PBRM1: variants seen among roughly 807,000 people sequenced by gnomAD.
The protein encoded by PBRM1 is protein polybromo-1.
PBRM1 carries 27 observed loss-of-function variants against 194.5 expected under a neutral mutation model. The ratio of observed to expected loss-of-function variants is 0.14; its 90% CI spans 0.10 to 0.19. PBRM1 has a LOEUF of 0.19. PBRM1 is among the 10% of genes least tolerant of loss of function. The pLI, the probability that PBRM1 is intolerant of heterozygous loss-of-function variation, is 1.00. For missense variants in PBRM1, 1,466 were observed against 2,077.2 expected, an observed-to-expected ratio of 0.71 and a Z score of 5.72; for synonymous variants, 655 against 693.2, an observed-to-expected ratio of 0.94 and a Z score of 0.87.
rs755241328 is a variant in PBRM1, at chr3:52,637,773, CA to C, written c.1088-2959del. On this transcript the variant is annotated intron_variant, in intron 10 of 29. Transcript: ENST00000296302. ...CAAAACCATGTCTCTACTAAAAATA[CA>C]AAAAAAAAAAAAAAAAAAAAAAATT... Among the ~76,000 whole-genome samples the C allele has an allele frequency of 9.8e-3, 414 of 42,228 alleles. 5 individuals are homozygous for C. Among genetic ancestry groups the C allele is most frequent in the East Asian group, 0.074 (93 of 1,264 alleles). The allele number at this position is 42,228 out of a possible 152,430, so 27.7% of individuals were successfully genotyped here.
chr3:52,637,861 A>T (rs1348415151), intron 10 of PBRM1, among the ~76,000 whole-genome samples: 1 of 148,390 alleles, frequency 6.7e-6, no homozygotes, highest in Non-Finnish European at 1.5e-5. Flanking sequence ...CAGGAGAATC[A>T]CTTGAACCTG....
At chr3:52,674,643 AATATATATAT>A (rs1189318541) in intron 2 of PBRM1, among the ~76,000 whole-genome samples, 2 of 72,420 alleles carry the variant, frequency 2.8e-5, no homozygotes, top group South Asian at 8.2e-4. Context: ...AAAAAAAAAA[AATATATATAT>A]ATATATATAT....
chr3:52,589,846 G>A (rs764676864), intron 17 of PBRM1, among the ~76,000 whole-genome samples: 6 of 151,236 alleles, frequency 4.0e-5, no homozygotes, highest in Non-Finnish European at 5.9e-5. Context: ...TATTTTTTTC[G>A]AGACGGAGTT....
At chr3:52,561,914 T>C (rs367999949) in exon 25 of PBRM1, 107 of 1,614,046 alleles carry the variant, frequency 6.6e-5, no homozygotes, top group Non-Finnish European at 8.7e-5. Context: ...CTCATGTTGA[T>C]TTTCCGTTTG....
upstream of PBRM1, among the ~76,000 whole-genome samples, chr3:52,684,528 GA>G (rs1340675657): frequency 6.6e-6 from 1 of 151,898 alleles, no homozygotes; most frequent in African/African-American, 2.4e-5. Flanking sequence ...CTACTTCCAA[GA>G]AAAAAACCAC....
At chr3:52,666,303 G>A (rs1008552491) in intron 3 of PBRM1, among the ~76,000 whole-genome samples, 1 of 152,180 alleles carries the variant, frequency 6.6e-6, no homozygotes, top group South Asian at 2.1e-4. Context: ...GCACTTTTGG[G>A]AGGCCGAGGC....
exon 24 of PBRM1, chr3:52,563,375 C>T (rs1250831550): frequency 6.2e-7 from 1 of 1,613,946 alleles, no homozygotes; most frequent in African/African-American, 1.3e-5. Context: ...TCACTATCTT[C>T]TTCTCCCATC....
intron 10 of PBRM1, among the ~76,000 whole-genome samples, chr3:52,637,030 G>T (rs549579440): frequency 6.6e-6 from 1 of 151,936 alleles, no homozygotes; most frequent in Admixed American, 6.6e-5. Flanking sequence ...CAGTTGAAGG[G>T]GATTAGGAAC....
At chr3:52,652,471 G>A (rs372407906) in intron 5 of PBRM1, among the ~76,000 whole-genome samples, 1 of 147,856 alleles carries the variant, frequency 6.8e-6, no homozygotes, top group African/African-American at 2.5e-5. Flanking sequence ...GGTGGTTCAC[G>A]AGGTCAGGAG....
At chr3:52,583,586 G>A (rs2091824018) in intron 20 of PBRM1, among the ~76,000 whole-genome samples, 1 of 151,586 alleles carries the variant, frequency 6.6e-6, no homozygotes, top group Admixed American at 6.6e-5. Flanking sequence ...ATCTATTTGG[G>A]CCTCTGCTCA....
chr3:52,610,044 A>T (rs2094530051), intron 15 of PBRM1, 89 bp from the exon 18 acceptor site: 2 of 757,908 alleles, frequency 2.6e-6, no homozygotes, highest in East Asian at 5.5e-5. Context: ...GGACGATTCC[A>T]AGTAATTTGT....
chr3:52,590,192 C>T (rs897722063), intron 17 of PBRM1, among the ~76,000 whole-genome samples: 1 of 151,868 alleles, frequency 6.6e-6, no homozygotes, highest in African/African-American at 2.4e-5. Context: ...CAGCTCACGC[C>T]TGTAATCCCA....
At chr3:52,549,441 G>A (rs1364643713) in intron 29 of PBRM1, among the ~76,000 whole-genome samples, 5 of 152,030 alleles carry the variant, frequency 3.3e-5, no homozygotes, top group African/African-American at 9.7e-5. Flanking sequence ...GGGAGCCACC[G>A]TGCCTGGCCA....
At chr3:52,578,493 G>A (rs963519836) in intron 21 of PBRM1, among the ~76,000 whole-genome samples, 1 of 152,170 alleles carries the variant, frequency 6.6e-6, no homozygotes, top group African/African-American at 2.4e-5. Context: ...ACTGTTCTTA[G>A]CCACTATCCT....
chr3:52,583,662 T>C (rs1030393877), intron 20 of PBRM1, among the ~76,000 whole-genome samples: 5 of 152,166 alleles, frequency 3.3e-5, no homozygotes, highest in Non-Finnish European at 7.3e-5. Context: ...ACAGTAACCC[T>C]AGACTGTTTT....
chr3:52,618,505 CCAGATAAAGAAATTCTAGT>C (rs1249638452), intron 13 of PBRM1, among the ~76,000 whole-genome samples: 1 of 151,784 alleles, frequency 6.6e-6, no homozygotes, highest in East Asian at 1.9e-4. Context: ...GAAATTCTAG[CCAGATAAAGAAATTCTAGT>C]CAGACTAACC....
rs1158147775 is a variant in PBRM1 at position 52,629,050 on chromosome 3, G to A, written c.1302-15C>T. On this transcript the variant is annotated splice_polypyrimidine_tract_variant and intron_variant, in intron 11 of 29. Transcript: ENST00000296302. Reference sequence around the variant, plus strand: ...TCAGTTTTGTTCTGTGAAAGACAAAGAAATTGCTAGAATTTTCTGTCATGA... The same window carrying A: ...TCAGTTTTGTTCTGTGAAAGACAAAAAAATTGCTAGAATTTTCTGTCATGA... The A allele has an allele frequency of 6.4e-7, 1 of 1,567,044 alleles. No individual in the cohort carries two copies. The highest frequency in any genetic ancestry group is 2.3e-5 in the East Asian group (1 of 44,416).
intron 17 of PBRM1, among the ~76,000 whole-genome samples, chr3:52,602,860 A>C (rs1458550929): frequency 1.3e-5 from 2 of 152,034 alleles, no homozygotes; most frequent in Non-Finnish European, 2.9e-5. Context: ...AAATCAATCT[A>C]TTTTGTTTTC....
chr3:52,576,877 TAGAAAA>T (rs1319850119), intron 21 of PBRM1, among the ~76,000 whole-genome samples, 179 bp from the exon 24 acceptor site: 1 of 152,148 alleles, frequency 6.6e-6, no homozygotes, highest in African/African-American at 2.4e-5. Context: ...AAAAGATACT[TAGAAAA>T]AGAGAAAGGA....
Sources: allele counts gnomAD v4.1 joint callset (sites outside exome capture counted in the v4.1 genomes callset), GRCh38; gene constraint gnomAD v4.1.1; transcripts MANE v1.5; gene names NCBI Gene and HGNC (gene_info 2026-07-23, HGNC 2026-07-21).